The following IFI16 variants were observed in gnomAD, a reference collection of about 807,000 sequenced individuals.
IFI16 encodes gamma-interferon-inducible protein 16.
IFI16 carries 49 observed loss-of-function variants against 68.4 expected under a neutral mutation model. The ratio of observed to expected loss-of-function variants is 0.72; its 90% CI spans 0.57 to 0.91. IFI16 has a LOEUF of 0.91. IFI16 is among the 40% of genes least tolerant of loss of function. IFI16 has a pLI of 0.00. For missense variants in IFI16, 878 were observed against 942.9 expected, an observed-to-expected ratio of 0.93 and a Z score of 0.90; for synonymous variants, 307 against 315.0, an observed-to-expected ratio of 0.97 and a Z score of 0.27.
chr1:159,049,784 T>C (rs1288978955), intron 9 of IFI16, among the ~76,000 whole-genome samples, 185 bp downstream of exon 9: 1 of 152,240 alleles, frequency 6.6e-6, no homozygotes, highest in Non-Finnish European at 1.5e-5. Context: ...GTTTTTATCA[T>C]CTCTATTCCA....
intron 9 of IFI16, among the ~76,000 whole-genome samples, chr1:159,050,568 C>T (rs1187846087): frequency 6.6e-6 from 1 of 152,138 alleles, no homozygotes; most frequent in African/African-American, 2.4e-5. Flanking sequence ...TATCATCTTC[C>T]AGGTCAGATC....
At chr1:159,028,212 T>C (rs1253219335) in intron 6 of IFI16, among the ~76,000 whole-genome samples, 3 of 152,172 alleles carry the variant, frequency 2.0e-5, no homozygotes, top group Admixed American at 6.5e-5. Flanking sequence ...ATAGGTTGTT[T>C]CTCTATTATC....
chr1:159,021,422 C>T (rs1283998876), intron 6 of IFI16, among the ~76,000 whole-genome samples: 5 of 152,256 alleles, frequency 3.3e-5, no homozygotes, highest in Middle Eastern at 3.4e-3. Flanking sequence ...CTGTGAATGC[C>T]GTTATTTTGT....
upstream of IFI16, among the ~76,000 whole-genome samples, chr1:159,005,115 G>A (rs974634051): frequency 3.9e-5 from 6 of 152,102 alleles, no homozygotes; most frequent in Admixed American, 1.3e-4. Context: ...GGGTGAATTC[G>A]CCCCGTTTGT....
intron 1 of IFI16, among the ~76,000 whole-genome samples, chr1:159,011,103 CG>C (rs1446177749): frequency 6.6e-6 from 1 of 151,750 alleles, no homozygotes; most frequent in Non-Finnish European, 1.5e-5. Context: ...CTTTTTTGGC[CG>C]GGCACAGAGG....
At chr1:159,047,593 T>C (rs1035532044) in intron 8 of IFI16, among the ~76,000 whole-genome samples, 16 of 151,112 alleles carry the variant, frequency 1.1e-4, no homozygotes, top group African/African-American at 3.9e-4. Flanking sequence ...CTCTGAAAGC[T>C]CAGGATCCAA....
At chr1:159,053,288 A>G in intron 10 of IFI16, 1 of 344,802 alleles carries the variant, frequency 2.9e-6, no homozygotes, top group East Asian at 4.7e-5. Flanking sequence ...TTAGGAAAGT[A>G]ATCAATTTTT....
upstream of IFI16, among the ~76,000 whole-genome samples, chr1:159,007,094 ATAAACT>A (rs1001504342): frequency 7.9e-5 from 12 of 152,276 alleles, no homozygotes; most frequent in Non-Finnish European, 1.3e-4. Flanking sequence ...GACGAAAAAG[ATAAACT>A]TTGACTTCTA....
rs574274295 is a variant in IFI16, at chr1:159,047,037, G to A, written c.1497+1573G>A. The stretch of plus-strand genomic sequence containing the variant: ...ACCTCTGTATGACCTACAATCCAGC[G>A]CTATGGGGCCTACACCCAAGACGAA... On this transcript the variant is annotated intron_variant, in intron 8 of 11. Coordinates refer to ENST00000295809, the MANE Select transcript of IFI16 (RefSeq NM_001376587.1). Among the ~76,000 whole-genome samples the A allele has an allele frequency of 9.9e-5, 15 of 151,068 alleles. No individual in the cohort carries two copies. In the East Asian group the frequency reaches 1.5e-3, roughly 16 times the overall value.
chr1:159,043,540 A>G (rs1347568937), intron 7 of IFI16, among the ~76,000 whole-genome samples: 2 of 152,310 alleles, frequency 1.3e-5, no homozygotes, highest in South Asian at 2.1e-4. Flanking sequence ...TGTCTGACCA[A>G]TCAGTCTGTG....
chr1:159,021,388 T>A (rs963273106), intron 6 of IFI16, among the ~76,000 whole-genome samples: 1 of 152,218 alleles, frequency 6.6e-6, no homozygotes, highest in African/African-American at 2.4e-5. Context: ...CTTAGAATAA[T>A]GGTCTCCAAT....
intron 7 of IFI16, among the ~76,000 whole-genome samples, chr1:159,039,397 G>A (rs771698445): frequency 6.6e-5 from 10 of 152,182 alleles, no homozygotes; most frequent in South Asian, 2.1e-4. Context: ...AGGATGGAGT[G>A]CAGTGGCATA....
upstream of IFI16, chr1:159,006,141 A>C (rs1009001770): frequency 7.2e-5 from 11 of 152,238 alleles, no homozygotes; most frequent in African/African-American, 2.7e-4. Context: ...GTTGTACCCA[A>C]GCGAGTTAAG....
At chr1:159,047,040 A>G (rs1308214932) in intron 8 of IFI16, among the ~76,000 whole-genome samples, 1 of 151,114 alleles carries the variant, frequency 6.6e-6, no homozygotes, top group East Asian at 1.9e-4. Flanking sequence ...ATCCAGCGCT[A>G]TGGGGCCTAC....
intron 7 of IFI16, among the ~76,000 whole-genome samples, chr1:159,041,519 G>A (rs1654638826): frequency 6.6e-6 from 1 of 152,162 alleles, no homozygotes; most frequent in African/African-American, 2.4e-5. Context: ...GTACTCATTT[G>A]ATGAGACAGG....
chr1:159,015,769 G>A (rs1187504905), intron 2 of IFI16, 103 bp from the exon 3 acceptor site: 1 of 821,306 alleles, frequency 1.2e-6, no homozygotes, highest in Admixed American at 2.2e-5. Context: ...CCTCAAGCAG[G>A]AACTGAGAGC....
rs1310668943 is a variant in IFI16, at chr1:159,018,296, T to C, written c.617T>C (p.Ile206Thr). The change falls in exon 5 of 12, where the codon ATA (isoleucine) becomes ACA (threonine). Residue 206 changes from isoleucine to threonine, a missense_variant. Transcript: ENST00000295809. ...AATGTTCTCCAAAAACGCCCAGTGA[T>C]AGTGAAGGTACTGAGTACAACAAAG... ...RRNVLQKRPV[I>T]VKVLSTTKPF... 3.1e-6 allele frequency: 5 copies of C among 1,614,126 alleles called. No individual in the cohort carries two copies. Among genetic ancestry groups the C allele is most frequent in the East Asian group, 2.2e-5 (1 of 44,872 alleles).
At position 159,014,773 on chromosome 1, in the gene IFI16, C is replaced by T. The variant is rs370697145; in HGVS notation, c.93C>T (p.Asn31=). 4.2e-5 allele frequency: 68 copies of T among 1,612,126 alleles called. No homozygotes were observed. The highest frequency in any genetic ancestry group is 5.1e-5 in the Non-Finnish European group (60 of 1,178,384). ...GAATGGTTAAGTCCTTACTGAGCAA[C>T]GATTTAAAACTTAATTTAAAAATGA... is the stretch of plus-strand genomic sequence containing the variant. ...HFRMVKSLLS[N]DLKLNLKMRE... The change falls in exon 2 of 12, where the codon AAC becomes AAT. Residue 31 remains asparagine (N), a synonymous_variant. Coordinates refer to ENST00000295809, the MANE Select transcript of IFI16 (RefSeq NM_001376587.1).
intron 6 of IFI16, among the ~76,000 whole-genome samples, chr1:159,024,042 G>A (rs954792302): frequency 1.3e-5 from 2 of 152,218 alleles, no homozygotes; most frequent in Non-Finnish European, 1.5e-5. Context: ...GAGACCGTCC[G>A]AGTGGAAAGG....
Sources: allele counts gnomAD v4.1 joint callset (sites outside exome capture counted in the v4.1 genomes callset), GRCh38; gene constraint gnomAD v4.1.1; transcripts MANE v1.5; gene names NCBI Gene and HGNC (gene_info 2026-07-23, HGNC 2026-07-21).